Variants in MGAT4C observed in about 807,000 individuals in gnomAD.
MGAT4C encodes MGAT4 family member C.
A neutral mutation model predicts 40.1 loss-of-function variants in MGAT4C; 19 were observed. The ratio of observed to expected loss-of-function variants is 0.47; its 90% CI spans 0.33 to 0.70. MGAT4C has a LOEUF of 0.70. Among genes scored for constraint, MGAT4C ranks in the 30% least tolerant of loss-of-function variants. The probability of loss-of-function intolerance (pLI) is 0.02; values close to 1 mark genes in which losing one functional copy is unlikely to be tolerated. For synonymous variants in MGAT4C, 181 were observed against 187.1 expected (o/e 0.97, Z 0.27); for missense variants, 491 against 563.2 (o/e 0.87, Z 1.30).
chr12:86,077,230 A>G (rs1869905773), intron 1 of MGAT4C, among the ~76,000 whole-genome samples: 1 of 152,164 alleles, frequency 6.6e-6, no homozygotes. Flanking sequence ...GAACCCATAC[A>G]CATCTCCTGA....
At chr12:86,547,196 T>A (rs898809528) in intron 2 of MGAT4C, among the ~76,000 whole-genome samples, 1 of 152,028 alleles carries the variant, frequency 6.6e-6, no homozygotes, top group East Asian at 1.9e-4. Context: ...AATACTTTCT[T>A]TTTTGCTTAT....
intron 2 of MGAT4C, among the ~76,000 whole-genome samples, chr12:86,035,496 A>C (rs1891142421): frequency 1.3e-5 from 2 of 149,946 alleles, no homozygotes; most frequent in South Asian, 4.2e-4. Context: ...AGATGAATAG[A>C]TTGCAAACAT....
chr12:86,765,758 G>A (rs1442692788), intron 1 of MGAT4C, among the ~76,000 whole-genome samples: 1 of 152,106 alleles, frequency 6.6e-6, no homozygotes, highest in Non-Finnish European at 1.5e-5. Context: ...TTCATATCCA[G>A]CCAAACTAAG....
chr12:86,556,835 A>G (rs1339610873), intron 2 of MGAT4C, among the ~76,000 whole-genome samples: 1 of 152,196 alleles, frequency 6.6e-6, no homozygotes, highest in African/African-American at 2.4e-5. Flanking sequence ...GCAGAAAAAT[A>G]AGTAAAGCTC....
At chr12:86,159,345 C>T (rs1419127259) in intron 1 of MGAT4C, among the ~76,000 whole-genome samples, 1 of 150,194 alleles carries the variant, frequency 6.7e-6, no homozygotes, top group East Asian at 1.9e-4. Context: ...CTATGTTGAA[C>T]CCGCCTCACA....
chr12:86,599,980 TAAAC>T (rs1442183650), intron 2 of MGAT4C, among the ~76,000 whole-genome samples: 1 of 151,658 alleles, frequency 6.6e-6, no homozygotes, highest in African/African-American at 2.4e-5. Context: ...ATATTGAAAA[TAAAC>T]AAAAAAACCA....
Position 86,031,527 on chromosome 12 carries a change from C to A in MGAT4C, c.-7+18147G>T, listed in dbSNP as rs554714263. Among the ~76,000 whole-genome samples, 31 of 151,580 alleles carry A rather than the reference C, an allele frequency of 2.0e-4. No individual in the cohort carries two copies. In the Middle Eastern group the frequency reaches 0.01, roughly 50 times the overall value. ...GAATATATTAACATCAATAACAAAG[C>A]AATATATCAGTTGGAAAAAGACATG... On this transcript the variant is annotated intron_variant, in intron 2 of 4. Coordinates refer to ENST00000611864, the MANE Select transcript of MGAT4C (RefSeq NM_001351288.2).
chr12:86,730,027 G>A (rs1227398089), intron 1 of MGAT4C, among the ~76,000 whole-genome samples: 1 of 151,968 alleles, frequency 6.6e-6, no homozygotes, highest in Non-Finnish European at 1.5e-5. Flanking sequence ...CATGTGCTGT[G>A]AATACCCTTT....
At position 86,011,780 on chromosome 12, in the gene MGAT4C, C is replaced by A. The variant is rs969966550; in HGVS notation, c.-6-22228G>T. ...TACTAGGAATAAACACTATATTGAA[C>A]ATGGCAGACACAAACTCACCATCCT... On this transcript the variant is annotated intron_variant, in intron 2 of 4. Coordinates refer to ENST00000611864, the MANE Select transcript of MGAT4C (RefSeq NM_001351288.2). 1.6e-5 allele frequency: 15 copies of A among 942,802 alleles called. No individual in the cohort carries two copies. In the African/African-American group the frequency reaches 2.7e-4, roughly 17 times the overall value. 58.4% of individuals were successfully genotyped at this position (942,802 alleles called of 1,614,324 possible).
chr12:86,731,664 T>A (rs1950910744), intron 1 of MGAT4C, among the ~76,000 whole-genome samples: 1 of 152,152 alleles, frequency 6.6e-6, no homozygotes, highest in Non-Finnish European at 1.5e-5. Context: ...TTTTCTTTAG[T>A]ATAAATTTAT....
intron 3 of MGAT4C, among the ~76,000 whole-genome samples, chr12:86,355,313 C>G (rs1439277620): frequency 6.6e-6 from 1 of 152,130 alleles, no homozygotes; most frequent in Admixed American, 6.5e-5. Flanking sequence ...CTCCACTCAA[C>G]CCAGGAAGTC....
intron 3 of MGAT4C, among the ~76,000 whole-genome samples, chr12:86,355,311 A>G (rs61950744): frequency 0.085 from 12,910 of 152,256 alleles, 765 homozygotes; most frequent in Middle Eastern, 0.22. Flanking sequence ...GTCTCCACTC[A>G]ACCCAGGAAG....
chr12:86,276,442 A>G (rs1190546453), intron 4 of MGAT4C, among the ~76,000 whole-genome samples: 12 of 152,150 alleles, frequency 7.9e-5, no homozygotes, highest in Admixed American at 7.9e-4. Context: ...ACTCTTTCAT[A>G]TTTTAAAATA....
At chr12:86,274,381 T>C (rs1015814450) in intron 4 of MGAT4C, among the ~76,000 whole-genome samples, 1 of 152,106 alleles carries the variant, frequency 6.6e-6, no homozygotes. Context: ...TAAATAATTA[T>C]TTAACTATAT....
chr12:86,149,377 A>T (rs1883982307), intron 1 of MGAT4C, among the ~76,000 whole-genome samples: 1 of 152,194 alleles, frequency 6.6e-6, no homozygotes. Context: ...ATCAGTCAAA[A>T]TAGAAAAAAT....
At position 86,302,515 on chromosome 12, in the gene MGAT4C, G is replaced by A. The variant is rs558237392; in HGVS notation, c.-57+31550C>T. Among the ~76,000 whole-genome samples, 28 of 150,378 alleles carry A rather than the reference G, an allele frequency of 1.9e-4. 1 individual carries two copies. Among genetic ancestry groups the A allele is most frequent in the Non-Finnish European group, 3.7e-4 (25 of 68,000 alleles). On this transcript the variant is annotated intron_variant, in intron 4 of 7. Transcript: ENST00000548651. ...GCAATGTGGGCGCACTGCAACCTCTGCCTCCCGGGCTAAAGCGATTCTCCT... is the reference window on the plus strand; with the variant it reads ...GCAATGTGGGCGCACTGCAACCTCTACCTCCCGGGCTAAAGCGATTCTCCT...
intron 4 of MGAT4C, among the ~76,000 whole-genome samples, chr12:86,281,676 C>G (rs966593784): frequency 2.0e-5 from 3 of 151,908 alleles, no homozygotes; most frequent in African/African-American, 7.3e-5. Flanking sequence ...ACCCATTATG[C>G]CGGATGTTTT....
chr12:86,641,398 T>A (rs1190942902), intron 2 of MGAT4C, among the ~76,000 whole-genome samples: 1 of 151,562 alleles, frequency 6.6e-6, no homozygotes, highest in Non-Finnish European at 1.5e-5. Context: ...AGGGATAGCT[T>A]TAGGAGATAT....
intron 2 of MGAT4C, among the ~76,000 whole-genome samples, chr12:86,489,572 G>C (rs1958091323): frequency 6.6e-6 from 1 of 152,196 alleles, no homozygotes; most frequent in Non-Finnish European, 1.5e-5. Flanking sequence ...ATGCCCTCTG[G>C]GGCATTGGGA....
Sources: allele counts gnomAD v4.1 joint callset (sites outside exome capture counted in the v4.1 genomes callset), GRCh38; gene constraint gnomAD v4.1.1; transcripts MANE v1.5; gene names NCBI Gene and HGNC (gene_info 2026-07-23, HGNC 2026-07-21).